The following CDH12 variants were observed in gnomAD, a reference collection of about 807,000 sequenced individuals.
CDH12 encodes the protein cadherin-12.
A neutral mutation model predicts 74.1 loss-of-function variants in CDH12; 41 were observed. That is an observed-to-expected ratio of 0.55 (90% CI 0.43 to 0.72). The LOEUF is 0.72. Ranked by LOEUF, CDH12 falls within the 30% of genes least tolerant of loss-of-function variation. The pLI, the probability that CDH12 is intolerant of heterozygous loss-of-function variation, is 0.00. For missense variants in CDH12, 945 were observed against 977.2 expected, an observed-to-expected ratio of 0.97 and a Z score of 0.44; for synonymous variants, 399 against 355.0, an observed-to-expected ratio of 1.12 and a Z score of -1.39.
chr5:22,119,259 T>C (rs1453571386), intron 4 of CDH12, among the ~76,000 whole-genome samples: 1 of 151,188 alleles, frequency 6.6e-6, no homozygotes, highest in Non-Finnish European at 1.5e-5. Flanking sequence ...CAGTGTAACA[T>C]TGGACACTAC....
At position 22,057,030 on chromosome 5, in the gene CDH12, T is replaced by A. The variant is rs115859374; in HGVS notation, c.231+21416A>T. ...ACAAATGAAAACACCAAGTCTGTGA[T>A]CCTGTTGTGTCACTTGTAATTGTCT... On this transcript the variant is annotated intron_variant, in intron 5 of 14. Transcript: ENST00000382254. Among the ~76,000 whole-genome samples, 558 of 152,310 alleles carry A rather than the reference T, an allele frequency of 3.7e-3. 7 individuals carry two copies. Among genetic ancestry groups the A allele is most frequent in the Middle Eastern group, 0.014 (4 of 294 alleles).
At chr5:21,896,696 G>A (rs1164589325) in intron 6 of CDH12, among the ~76,000 whole-genome samples, 3 of 152,108 alleles carry the variant, frequency 2.0e-5, no homozygotes, top group Admixed American at 6.5e-5. Context: ...TGGAAAACAC[G>A]TGAAACAAAA....
chr5:22,307,879 T>G (rs1053396538), intron 3 of CDH12, among the ~76,000 whole-genome samples: 1 of 112,410 alleles, frequency 8.9e-6, no homozygotes, highest in African/African-American at 3.4e-5. Context: ...TTTAGTTTTT[T>G]TTTTTTTTTT....
chr5:22,263,814 A>C (rs1163599671), intron 3 of CDH12, among the ~76,000 whole-genome samples: 1 of 152,092 alleles, frequency 6.6e-6, no homozygotes, highest in East Asian at 1.9e-4. Context: ...CTTTATACAC[A>C]AGAGGAAACT....
intron 4 of CDH12, among the ~76,000 whole-genome samples, chr5:22,092,676 A>G (rs1045273670): frequency 3.9e-5 from 6 of 152,156 alleles, no homozygotes. Context: ...TTTTTTGGAT[A>G]TTATTTTGGT....
chr5:22,114,448 C>T (rs1051693895), intron 4 of CDH12, among the ~76,000 whole-genome samples: 1 of 152,006 alleles, frequency 6.6e-6, no homozygotes, highest in African/African-American at 2.4e-5. Flanking sequence ...ATAAATGTAT[C>T]TAACTATAGA....
At chr5:22,677,600 C>T (rs1194842225) in intron 1 of CDH12, among the ~76,000 whole-genome samples, 1 of 151,972 alleles carries the variant, frequency 6.6e-6, no homozygotes, top group Non-Finnish European at 1.5e-5. Flanking sequence ...TTTGACGAGA[C>T]ACAAACATTC....
chr5:22,076,835 G>A (rs1251357432), intron 5 of CDH12, among the ~76,000 whole-genome samples: 2 of 152,030 alleles, frequency 1.3e-5, no homozygotes, highest in Admixed American at 1.3e-4. Flanking sequence ...GATCTGAGAA[G>A]GTCATTCTGG....
At chr5:22,678,043 A>ATGG (rs1554058343) in intron 1 of CDH12, among the ~76,000 whole-genome samples, 5 of 55,748 alleles carry the variant, frequency 9.0e-5, no homozygotes, top group South Asian at 6.3e-4. Context: ...TACCATCCTC[A>ATGG]TGGGGGGGGG....
At chr5:22,391,425 A>T (rs1354354702) in intron 3 of CDH12, among the ~76,000 whole-genome samples, 1 of 152,180 alleles carries the variant, frequency 6.6e-6, no homozygotes, top group African/African-American at 2.4e-5. Flanking sequence ...CTTTTACAAA[A>T]CAACAAAATT....
At chr5:22,093,055 C>T (rs1354806407) in intron 4 of CDH12, among the ~76,000 whole-genome samples, 3 of 151,972 alleles carry the variant, frequency 2.0e-5, no homozygotes, top group Non-Finnish European at 4.4e-5. Context: ...GGGCTATTAT[C>T]CAGAGGACAG....
chr5:22,470,863 CTT>C (rs5866567), intron 2 of CDH12, among the ~76,000 whole-genome samples: 79,660 of 142,572 alleles, frequency 0.56, 22,058 homozygotes, highest in Admixed American at 0.68. Flanking sequence ...AACCTTAGCG[CTT>C]TTTTTTTTTT....
At chr5:22,332,694 A>G (rs1395777626) in intron 3 of CDH12, among the ~76,000 whole-genome samples, 1 of 152,212 alleles carries the variant, frequency 6.6e-6, no homozygotes, top group African/African-American at 2.4e-5. Context: ...ACATTTATGC[A>G]GCCAAAAAAC....
At chr5:22,507,534 A>AACTCATTTT (rs1257453393) in intron 1 of CDH12, among the ~76,000 whole-genome samples, 1 of 152,164 alleles carries the variant, frequency 6.6e-6, no homozygotes, top group African/African-American at 2.4e-5. Context: ...TAAAAACACC[A>AACTCATTTT]ACTCATTTTA....
intron 1 of CDH12, among the ~76,000 whole-genome samples, chr5:22,803,279 A>G (rs1044299186): frequency 3.9e-5 from 6 of 152,314 alleles, no homozygotes; most frequent in Middle Eastern, 3.4e-3. Flanking sequence ...ACTTTTGTCA[A>G]CTGTGCTGGA....
At chr5:22,843,039 G>A (rs1581055155) in intron 1 of CDH12, among the ~76,000 whole-genome samples, 1 of 151,984 alleles carries the variant, frequency 6.6e-6, no homozygotes, top group Non-Finnish European at 1.5e-5. Flanking sequence ...TTTTCATAGA[G>A]TTTGAAACTT....
chr5:22,205,427 A>G (rs1751167402), intron 4 of CDH12, among the ~76,000 whole-genome samples: 1 of 152,184 alleles, frequency 6.6e-6, no homozygotes, highest in Non-Finnish European at 1.5e-5. Context: ...AATAGAGAAG[A>G]GTAATAGGAA....
At chr5:21,986,768 T>C (rs1011106834) in intron 5 of CDH12, among the ~76,000 whole-genome samples, 1 of 152,104 alleles carries the variant, frequency 6.6e-6, no homozygotes, top group Non-Finnish European at 1.5e-5. Flanking sequence ...TTAATAACAA[T>C]ACATTACTAT....
intron 3 of CDH12, among the ~76,000 whole-genome samples, chr5:22,225,050 T>C (rs1451592956): frequency 6.6e-6 from 1 of 151,968 alleles, no homozygotes; most frequent in Non-Finnish European, 1.5e-5. Context: ...CTAAAATTTG[T>C]GGGTTGAAAT....
Sources: gnomAD v4.1 joint callset for allele counts (sites outside exome capture counted in the v4.1 genomes callset) on GRCh38, gnomAD v4.1.1 for gene constraint, MANE v1.5 for transcripts, NCBI Gene and HGNC (gene_info 2026-07-23, HGNC 2026-07-21) for gene names.